MAN1A2: variants seen among roughly 807,000 people sequenced by gnomAD.
MAN1A2 encodes mannosidase alpha class 1A member 2.
Under a neutral mutation model 75.7 loss-of-function variants are expected in MAN1A2, and 26 were observed. That is an observed-to-expected ratio of 0.34 (90% CI 0.25 to 0.48). MAN1A2 has a LOEUF of 0.48. Among genes scored for constraint, MAN1A2 ranks in the 20% least tolerant of loss-of-function variants. The pLI is 0.99. For synonymous variants in MAN1A2, 247 were observed against 264.6 expected (o/e 0.93, Z 0.65); for missense variants, 562 against 775.5 (o/e 0.72, Z 3.27).
chr1:117,499,207 G>A (rs1054866638), intron 10 of MAN1A2, among the ~76,000 whole-genome samples, 175 bp from the exon 11 acceptor site: 3 of 151,884 alleles, frequency 2.0e-5, no homozygotes, highest in Non-Finnish European at 4.4e-5. Flanking sequence ...TCTATTTTAA[G>A]AAAACCAAAT....
chr1:117,518,448 C>G (rs1388477614), intron 12 of MAN1A2, among the ~76,000 whole-genome samples: 1 of 151,744 alleles, frequency 6.6e-6, no homozygotes, highest in Non-Finnish European at 1.5e-5. Context: ...TGGCCCACAT[C>G]TTTTATGAGG....
At chr1:117,453,845 G>A (rs567390725) in intron 6 of MAN1A2, among the ~76,000 whole-genome samples, 53 of 152,256 alleles carry the variant, frequency 3.5e-4, no homozygotes, top group South Asian at 2.5e-3. Flanking sequence ...AAATCAAACA[G>A]GAAGAATCAA....
chr1:117,371,342 C>G (rs923375833), intron 1 of MAN1A2, among the ~76,000 whole-genome samples: 1 of 152,124 alleles, frequency 6.6e-6, no homozygotes, highest in Non-Finnish European at 1.5e-5. Context: ...ATGAAACTTT[C>G]AATCTAGGGA....
At chr1:117,418,146 C>A (rs1648068886) in intron 4 of MAN1A2, among the ~76,000 whole-genome samples, 1 of 152,030 alleles carries the variant, frequency 6.6e-6, no homozygotes, top group South Asian at 2.1e-4. Context: ...TTTTAAACTT[C>A]CAAATTAAGT....
At chr1:117,413,868 A>AT (rs1421964968) in intron 3 of MAN1A2, among the ~76,000 whole-genome samples, 3 of 151,812 alleles carry the variant, frequency 2.0e-5, no homozygotes, top group South Asian at 4.1e-4. Context: ...GTACTACTAG[A>AT]TTTTTTACTC....
chr1:117,466,880 C>A (rs1430372659), intron 8 of MAN1A2, among the ~76,000 whole-genome samples: 1 of 152,068 alleles, frequency 6.6e-6, no homozygotes, highest in African/African-American at 2.4e-5. Context: ...TTACCAGTCT[C>A]TGTGCTAAGT....
chr1:117,422,940 T>C (rs1243552353), intron 5 of MAN1A2, among the ~76,000 whole-genome samples: 2 of 152,138 alleles, frequency 1.3e-5, no homozygotes, highest in Non-Finnish European at 2.9e-5. Flanking sequence ...ATTTTGTCTT[T>C]TATGGTTCAT....
chr1:117,428,163 G>A (rs1238156843), intron 5 of MAN1A2, among the ~76,000 whole-genome samples: 2 of 150,744 alleles, frequency 1.3e-5, no homozygotes, highest in East Asian at 1.9e-4. Context: ...CACCCAGACT[G>A]GAGTGCAGTG....
rs1343640749 is a variant in MAN1A2 at position 117,429,353 on chromosome 1, G to A, written c.855+8704G>A. Among the ~76,000 whole-genome samples the A allele has an allele frequency of 2.7e-4, 38 of 139,414 alleles. No individual in the cohort carries two copies. The East Asian group carries it at 4.4e-3, about 16-fold the overall frequency. The allele number at this position is 139,414 out of a possible 152,430, so 91.5% of individuals were successfully genotyped here. A position where few individuals can be genotyped will look rare whatever the true frequency, so the allele number is the denominator to read the frequency against. ...AGACGGGGTGGTGGCCGGGCAGAGGGGCTCCTCACTTCCCAGTAGGGGCGG... is the reference window on the plus strand; with the variant it reads ...AGACGGGGTGGTGGCCGGGCAGAGGAGCTCCTCACTTCCCAGTAGGGGCGG... On this transcript the variant is annotated intron_variant, in intron 5 of 12. Transcript: ENST00000356554.
Position 117,526,872 on chromosome 1 carries a change from C to CTATA in MAN1A2, c.*3916_*3917insATAT, listed in dbSNP as rs1255841115. 2.3e-5 allele frequency: 2 copies of CTATA among 85,314 alleles called. No individual in the cohort carries two copies. Among genetic ancestry groups the CTATA allele is most frequent in the Non-Finnish European group, 4.8e-5 (2 of 42,014 alleles). The allele number at this position is 85,314 out of a possible 1,614,324, so 5.3% of individuals were successfully genotyped here. ...TCTCTCTCTCTCTCTCTCTCTCTCT[C>CTATA]TCTCTCTCTATATATATATATATAT... On this transcript the variant is annotated 3_prime_UTR_variant, in exon 13 of 13. Transcript: ENST00000356554.
At chr1:117,454,096 G>T (rs1430995865) in intron 6 of MAN1A2, among the ~76,000 whole-genome samples, 1 of 152,170 alleles carries the variant, frequency 6.6e-6, no homozygotes, top group African/African-American at 2.4e-5. Context: ...CATTTAAAAG[G>T]CTACAGTATA....
chr1:117,493,781 A>T (rs1650956546), intron 9 of MAN1A2: 1 of 152,090 alleles, frequency 6.6e-6, no homozygotes, highest in African/African-American at 2.4e-5. Flanking sequence ...ACTCCGTGTC[A>T]ACAATAAATA....
At chr1:117,493,018 A>T in intron 8 of MAN1A2, 129 bp from the exon 9 acceptor site, 1 of 599,090 alleles carries the variant, frequency 1.7e-6, no homozygotes, top group Admixed American at 2.9e-5. Context: ...GTATGTTGGA[A>T]ATAGGGTTGT....
intron 5 of MAN1A2, among the ~76,000 whole-genome samples, chr1:117,427,821 C>CT (rs1247052045): frequency 2.6e-5 from 4 of 152,148 alleles, no homozygotes; most frequent in Admixed American, 2.0e-4. Flanking sequence ...TTCAAAATTT[C>CT]TTTAAAATTA....
chr1:117,429,436 A>ACCC (rs1224217592), intron 5 of MAN1A2, among the ~76,000 whole-genome samples: 1 of 76,164 alleles, frequency 1.3e-5, no homozygotes, highest in African/African-American at 6.1e-5. Context: ...AGGGGGGCTG[A>ACCC]CCCCCCCCAC....
At chr1:117,512,145 G>C (rs1358565574) in intron 12 of MAN1A2, among the ~76,000 whole-genome samples, 5 of 152,090 alleles carry the variant, frequency 3.3e-5, no homozygotes, top group Non-Finnish European at 5.9e-5. Flanking sequence ...GGAGGTGTCT[G>C]ATAATGAGTC....
intron 8 of MAN1A2, among the ~76,000 whole-genome samples, chr1:117,477,941 G>C (rs939987224): frequency 6.6e-6 from 1 of 151,978 alleles, no homozygotes; most frequent in Non-Finnish European, 1.5e-5. Flanking sequence ...AAAGTCTCAG[G>C]ATACAAAATC....
chr1:117,370,381 G>A (rs1652920933), intron 1 of MAN1A2, among the ~76,000 whole-genome samples: 1 of 152,130 alleles, frequency 6.6e-6, no homozygotes, highest in African/African-American at 2.4e-5. Context: ...CTGAGTTTTG[G>A]AAAACGAGAA....
Position 117,402,284 on chromosome 1 carries a change from G to A in MAN1A2, c.401G>A (p.Arg134Gln), listed in dbSNP as rs1647460637. ...EKLRKSREEI[R>Q]AEIQTEKNKV... ...TTAAGAAAGTCAAGAGAGGAAATTC[G>A]AGCAGAAATTCAGACAGAGAAAAAT... The change falls in exon 2 of 13, where the codon CGA becomes CAA. Residue 134 changes from arginine to glutamine, a missense_variant. Arg to Gln is a conservative substitution (Grantham distance 43). This residue lies in a region of MAN1A2 where 434 missense variants were observed against 645.7 expected (regional missense o/e 0.67). Transcript: ENST00000356554. The A allele has an allele frequency of 7.4e-6, 12 of 1,613,626 alleles. No individual in the cohort carries two copies. The highest frequency in any genetic ancestry group is 3.3e-4 in the Middle Eastern group (2 of 6,060).
Sources: allele counts gnomAD v4.1 joint callset (sites outside exome capture counted in the v4.1 genomes callset), GRCh38; gene constraint gnomAD v4.1.1; regional missense constraint gnomAD v4.1.1; transcripts MANE v1.5; gene names NCBI Gene and HGNC (gene_info 2026-07-23, HGNC 2026-07-21).